Variants in CEP70 observed in about 807,000 individuals in gnomAD.
The protein encoded by CEP70 is centrosomal protein 70.
CEP70 carries 70 observed loss-of-function variants against 90.9 expected under a neutral mutation model. The observed-to-expected ratio is 0.77, with a 90% CI of 0.64 to 0.94. CEP70 has a LOEUF of 0.94. Among genes scored for constraint, CEP70 ranks in the 40% least tolerant of loss-of-function variants. The pLI is 0.00. For missense variants in CEP70, 648 were observed against 669.0 expected, an observed-to-expected ratio of 0.97 and a Z score of 0.35; for synonymous variants, 220 against 228.3, an observed-to-expected ratio of 0.96 and a Z score of 0.33.
At chr3:138,556,046 A>G (rs1488168246) in intron 6 of CEP70, among the ~76,000 whole-genome samples, 1 of 152,226 alleles carries the variant, frequency 6.6e-6, no homozygotes, top group African/African-American at 2.4e-5. Context: ...ACAAGTGGAT[A>G]AAGAAACTGT....
At chr3:138,540,574 T>C (rs1171078945) in intron 6 of CEP70, among the ~76,000 whole-genome samples, 4 of 151,220 alleles carry the variant, frequency 2.6e-5, no homozygotes, top group Non-Finnish European at 5.9e-5. Context: ...GTCAGAAAGC[T>C]ATTATTAAAA....
chr3:138,575,136 G>A (rs932855421), intron 2 of CEP70, among the ~76,000 whole-genome samples: 3 of 151,858 alleles, frequency 2.0e-5, no homozygotes, highest in East Asian at 3.9e-4. Context: ...TCAGAAGGTC[G>A]GTAATAACAA....
chr3:138,499,119 T>C (rs1051801031), intron 16 of CEP70, among the ~76,000 whole-genome samples: 1 of 151,608 alleles, frequency 6.6e-6, no homozygotes, highest in African/African-American at 2.4e-5. Flanking sequence ...AATAGGCCAA[T>C]AGCAAGATAT....
At chr3:138,531,888 A>G (rs1654254502) in intron 8 of CEP70, among the ~76,000 whole-genome samples, 1 of 152,000 alleles carries the variant, frequency 6.6e-6, no homozygotes, top group Non-Finnish European at 1.5e-5. Context: ...TACTTAGAAC[A>G]TGGTACAAAA....
chr3:138,566,806 T>C (rs960167345), intron 6 of CEP70, among the ~76,000 whole-genome samples: 2 of 149,130 alleles, frequency 1.3e-5, no homozygotes, highest in South Asian at 4.2e-4. Flanking sequence ...ACTTAAAGTA[T>C]ATATATATAT....
chr3:138,570,881 C>T (rs1274135675), intron 5 of CEP70, among the ~76,000 whole-genome samples, 153 bp downstream of exon 5: 2 of 151,992 alleles, frequency 1.3e-5, no homozygotes, highest in Non-Finnish European at 2.9e-5. Flanking sequence ...AAGCTATTAC[C>T]AAAAGATTTA....
intron 1 of CEP70, among the ~76,000 whole-genome samples, chr3:138,592,761 G>T (rs1202376512): frequency 6.6e-6 from 1 of 152,090 alleles, no homozygotes; most frequent in Non-Finnish European, 1.5e-5. Flanking sequence ...CATTTGGGGT[G>T]GGGGAGGGGA....
At chr3:138,527,329 A>T (rs76154777) in intron 10 of CEP70, among the ~76,000 whole-genome samples, 1 of 143,424 alleles carries the variant, frequency 7.0e-6, no homozygotes, top group Non-Finnish European at 1.5e-5. Context: ...TGCCTGGCTA[A>T]TTTTTTTTTT....
intron 11 of CEP70, among the ~76,000 whole-genome samples, chr3:138,525,011 A>T (rs534279579): frequency 1.3e-5 from 2 of 152,298 alleles, no homozygotes; most frequent in African/African-American, 4.8e-5. Context: ...CTTAGAACCA[A>T]CCCAAATGTC....
At chr3:138,562,467 G>C (rs977681673) in intron 6 of CEP70, among the ~76,000 whole-genome samples, 10 of 152,282 alleles carry the variant, frequency 6.6e-5, no homozygotes, top group Admixed American at 2.0e-4. Flanking sequence ...GAAAAAGGTT[G>C]GGGTTACCCA....
rs926643946 is a variant in CEP70 at position 138,522,859 on chromosome 3, T to C, written c.944+2631A>G. ...AATCAATAGAAAAAGAGGGAATCCT[T>C]CCTAACTCATTTTATGAGGCCAGCA... is the stretch of plus-strand genomic sequence containing the variant. On this transcript the variant is annotated intron_variant, in intron 11 of 17. Transcript: ENST00000264982. Among the ~76,000 whole-genome samples, 725 of 152,070 alleles carry C rather than the reference T, an allele frequency of 4.8e-3. 4 individuals are homozygous for C. Among genetic ancestry groups the C allele is most frequent in the African/African-American group, 0.017 (697 of 41,392 alleles).
At chr3:138,580,536 T>TCTTC (rs1280347067) in intron 2 of CEP70, among the ~76,000 whole-genome samples, 2 of 152,128 alleles carry the variant, frequency 1.3e-5, no homozygotes, top group Non-Finnish European at 2.9e-5. Context: ...CACTGGAAAG[T>TCTTC]CTTCCCAAGA....
At chr3:138,511,606 G>A (rs1158537252) in intron 11 of CEP70, among the ~76,000 whole-genome samples, 2 of 152,140 alleles carry the variant, frequency 1.3e-5, no homozygotes, top group Non-Finnish European at 2.9e-5. Context: ...TGCATGTACT[G>A]ATCAGTTACT....
At chr3:138,527,329 ATTT>A (rs534956538) in intron 10 of CEP70, among the ~76,000 whole-genome samples, 1 of 143,424 alleles carries the variant, frequency 7.0e-6, no homozygotes, top group Non-Finnish European at 1.5e-5. Context: ...TGCCTGGCTA[ATTT>A]TTTTTTTTTT....
chr3:138,497,645 T>A, intron 17 of CEP70: 2 of 966,966 alleles, frequency 2.1e-6, no homozygotes, highest in Non-Finnish European at 2.5e-6. Flanking sequence ...ATATTATTTG[T>A]ATATTTAAAA....
rs2108740169 is a variant in CEP70, at chr3:138,512,244, A to T, written c.945-3700T>A. On this transcript the variant is annotated intron_variant, in intron 11 of 17. Coordinates refer to ENST00000264982, the MANE Select transcript of CEP70 (RefSeq NM_024491.4). ...ATGCTGGGGGTCAGGGAAGGAGCCC[A>T]GGGTACTGCTGCTCATTCTAAATTT... is the stretch of plus-strand genomic sequence containing the variant. Among the ~76,000 whole-genome samples, 3 of 152,296 alleles carry T rather than the reference A, an allele frequency of 2.0e-5. No individual in the cohort carries two copies. In the Middle Eastern group the frequency reaches 0.01, roughly 518 times the overall value.
chr3:138,495,866 T>C (rs2033923349), intron 17 of CEP70: 1 of 984,794 alleles, frequency 1.0e-6, no homozygotes, highest in African/African-American at 1.7e-5. Context: ...AAAAAACAAT[T>C]ATCTGCCTAA....
chr3:138,581,006 C>T (rs1428291034), intron 2 of CEP70, among the ~76,000 whole-genome samples: 1 of 151,914 alleles, frequency 6.6e-6, no homozygotes, highest in Non-Finnish European at 1.5e-5. Flanking sequence ...AAAAACAGGC[C>T]GGGCATGGTG....
chr3:138,502,837 T>C (rs1276926511), intron 13 of CEP70, among the ~76,000 whole-genome samples: 2 of 152,156 alleles, frequency 1.3e-5, no homozygotes, highest in East Asian at 3.8e-4. Context: ...TGAGCCAGCC[T>C]ACCGTGTACG....
Sources: gnomAD v4.1 joint callset for allele counts (sites outside exome capture counted in the v4.1 genomes callset) on GRCh38, gnomAD v4.1.1 for gene constraint, MANE v1.5 for transcripts, NCBI Gene and HGNC (gene_info 2026-07-23, HGNC 2026-07-21) for gene names.